The following PDZRN4 variants were observed in gnomAD, a reference collection of about 807,000 sequenced individuals.
PDZRN4 encodes the protein PDZ domain containing ring finger 4.
A neutral mutation model predicts 99.0 loss-of-function variants in PDZRN4; 70 were observed. The observed-to-expected ratio is 0.71, with a 90% CI of 0.58 to 0.86. PDZRN4 has a LOEUF of 0.86. Ranked by LOEUF, PDZRN4 falls within the 40% of genes least tolerant of loss-of-function variation. PDZRN4 has a pLI of 0.00. For synonymous variants in PDZRN4, 551 were observed against 501.6 expected, an observed-to-expected ratio of 1.10 and a Z score of -1.32; for missense variants, 1,474 against 1,331.2, an observed-to-expected ratio of 1.11 and a Z score of -1.67.
intron 3 of PDZRN4, among the ~76,000 whole-genome samples, chr12:41,400,155 T>G (rs1952279875): frequency 2.0e-5 from 3 of 152,190 alleles, no homozygotes; most frequent in Admixed American, 2.0e-4. Context: ...CATCTCTTTG[T>G]TTCTTTATCC....
chr12:41,332,367 A>T (rs1307787148), intron 3 of PDZRN4, among the ~76,000 whole-genome samples: 3 of 152,126 alleles, frequency 2.0e-5, no homozygotes, highest in Admixed American at 2.0e-4. Flanking sequence ...AAATGTCTTT[A>T]GGACCATAAT....
chr12:41,266,580 A>G (rs1433512635), intron 3 of PDZRN4, among the ~76,000 whole-genome samples: 1 of 152,212 alleles, frequency 6.6e-6, no homozygotes, highest in Non-Finnish European at 1.5e-5. Context: ...TACTTTAAGA[A>G]ATCTAAGAAA....
intron 3 of PDZRN4, among the ~76,000 whole-genome samples, chr12:41,243,059 T>C (rs1418315073): frequency 6.6e-6 from 1 of 152,228 alleles, no homozygotes; most frequent in Non-Finnish European, 1.5e-5. Flanking sequence ...TCTTTGTCTG[T>C]TACTTCTGCC....
At chr12:41,352,085 A>G (rs1269945961) in intron 3 of PDZRN4, among the ~76,000 whole-genome samples, 2 of 152,080 alleles carry the variant, frequency 1.3e-5, no homozygotes, top group Non-Finnish European at 2.9e-5. Flanking sequence ...CTATTTGAAA[A>G]AAGTGGGGAT....
intron 3 of PDZRN4, among the ~76,000 whole-genome samples, chr12:41,495,045 G>C (rs1036878058): frequency 1.3e-5 from 2 of 151,958 alleles, no homozygotes; most frequent in Admixed American, 1.3e-4. Context: ...TATTCTCTTT[G>C]GTAACATACC....
intron 3 of PDZRN4, among the ~76,000 whole-genome samples, chr12:41,379,389 T>TA (rs1952106315): frequency 1.5e-5 from 2 of 134,664 alleles, no homozygotes; most frequent in South Asian, 4.5e-4. Context: ...TAATACTTTA[T>TA]TTTTTTTTAT....
chr12:41,516,182 C>A (rs1938398407), intron 5 of PDZRN4, among the ~76,000 whole-genome samples: 1 of 152,040 alleles, frequency 6.6e-6, no homozygotes, highest in Admixed American at 6.6e-5. Context: ...ACACCGCATT[C>A]TGTAAATATT....
Position 41,194,103 on chromosome 12 carries a change from C to T in PDZRN4, c.758C>T (p.Thr253Ile). The T allele has an allele frequency of 2.0e-6, 3 of 1,528,620 alleles. No individual in the cohort carries two copies. Among genetic ancestry groups the T allele is most frequent in the Non-Finnish European group, 2.7e-6 (3 of 1,115,300 alleles). The allele number at this position is 1,528,620 out of a possible 1,614,324, so 94.7% of individuals were successfully genotyped here. A position where few individuals can be genotyped will look rare whatever the true frequency, so the allele number is the denominator to read the frequency against. The part of the protein sequence containing the change: ...PNQNNQEGTS[T>I]EGIYVSKILE... ...TAGAATAATCAGGAAGGAACATCGA[C>T]TGAAGGAATTTACGTTTCAAAAATT... The change falls in exon 3 of 10, where the codon ACT (threonine) becomes ATT (isoleucine). Residue 253 changes from threonine to isoleucine, a missense_variant. By Grantham distance (89) the Thr-to-Ile change is moderately conservative. Transcript: ENST00000402685.
chr12:41,296,292 A>T (rs1468599141), intron 3 of PDZRN4, among the ~76,000 whole-genome samples: 1 of 152,202 alleles, frequency 6.6e-6, no homozygotes, highest in Non-Finnish European at 1.5e-5. Context: ...ACAAAGCACA[A>T]TCAAAGCAAT....
chr12:41,386,014 C>T (rs12306958), intron 3 of PDZRN4, among the ~76,000 whole-genome samples: 7,801 of 152,216 alleles, frequency 0.051, 600 homozygotes, highest in African/African-American at 0.16. Flanking sequence ...ATTCAACATA[C>T]ACAAATCAGT....
intron 3 of PDZRN4, among the ~76,000 whole-genome samples, chr12:41,313,888 G>A (rs2120956979): frequency 6.6e-6 from 1 of 152,268 alleles, no homozygotes; most frequent in Middle Eastern, 3.4e-3. Context: ...GGTCAATTTT[G>A]AAGAGAAAAT....
intron 3 of PDZRN4, among the ~76,000 whole-genome samples, chr12:41,441,215 A>G (rs1952678501): frequency 6.6e-6 from 1 of 152,154 alleles, no homozygotes; most frequent in Non-Finnish European, 1.5e-5. Flanking sequence ...GTGATATGCA[A>G]GATTCTATTC....
intron 3 of PDZRN4, among the ~76,000 whole-genome samples, chr12:41,291,121 A>G (rs184921343): frequency 2.0e-5 from 3 of 152,302 alleles, no homozygotes; most frequent in Non-Finnish European, 2.9e-5. Context: ...TATGTTATCC[A>G]TTAGATTATA....
intron 3 of PDZRN4, among the ~76,000 whole-genome samples, chr12:41,313,453 G>C (rs1168310530): frequency 6.6e-6 from 1 of 152,104 alleles, no homozygotes; most frequent in Non-Finnish European, 1.5e-5. Context: ...ATCTCCAGCG[G>C]ACTGGTACTA....
intron 3 of PDZRN4, among the ~76,000 whole-genome samples, chr12:41,399,143 CACTA>C (rs1952272058): frequency 2.6e-5 from 4 of 151,892 alleles, no homozygotes; most frequent in Admixed American, 2.6e-4. Flanking sequence ...AATTCAAAAA[CACTA>C]ACTTGATTCA....
chr12:41,214,430 T>TAAAAAAAAAAAAAAAAAAAAAAAAAAAAA lies in PDZRN4; in HGVS notation c.843+20262_843+20263insAAAAAAAAAAAAAAAAAAAAAAAAAAAAA, dbSNP rs536246838. ...GGCAATAGAAGGAGACCCTGTCCCC[T>TAAAAAAAAAAAAAAAAAAAAAAAAAAAAA]AAAAAAAAAAAAAAAAAAAAGTTAT... On this transcript the variant is annotated intron_variant, in intron 3 of 9. Coordinates refer to ENST00000402685, the MANE Select transcript of PDZRN4 (RefSeq NM_001164595.2). 2.3e-4 allele frequency among the ~76,000 whole-genome samples: 8 copies of TAAAAAAAAAAAAAAAAAAAAAAAAAAAAA among 34,086 alleles called. 2 individuals carry two copies. Among genetic ancestry groups the TAAAAAAAAAAAAAAAAAAAAAAAAAAAAA allele is most frequent in the Non-Finnish European group, 5.1e-4 (8 of 15,830 alleles). The allele number at this position is 34,086 out of a possible 152,430, so 22.4% of individuals were successfully genotyped here. A position where few individuals can be genotyped will look rare whatever the true frequency, so the allele number is the denominator to read the frequency against.
intron 3 of PDZRN4, among the ~76,000 whole-genome samples, chr12:41,329,922 C>G (rs956722023): frequency 6.6e-6 from 1 of 152,102 alleles, no homozygotes; most frequent in Admixed American, 6.6e-5. Flanking sequence ...CCCCTATAAT[C>G]TTTTATACCT....
intron 3 of PDZRN4, among the ~76,000 whole-genome samples, chr12:41,301,862 A>G (rs778642798): frequency 1.1e-4 from 17 of 152,102 alleles, no homozygotes; most frequent in Non-Finnish European, 2.2e-4. Context: ...ATGTGGTCTC[A>G]GGCAAGTTAT....
chr12:41,261,929 G>T (rs1445111000), intron 3 of PDZRN4, among the ~76,000 whole-genome samples: 1 of 152,190 alleles, frequency 6.6e-6, no homozygotes, highest in Non-Finnish European at 1.5e-5. Flanking sequence ...ATGGGATGGG[G>T]AGAATAGTAT....
Sources: gnomAD v4.1 joint callset for allele counts (sites outside exome capture counted in the v4.1 genomes callset) on GRCh38, gnomAD v4.1.1 for gene constraint, MANE v1.5 for transcripts, NCBI Gene and HGNC (gene_info 2026-07-23, HGNC 2026-07-21) for gene names.